Variants in MMP12 observed in about 807,000 individuals in gnomAD.
MMP12 encodes matrix metallopeptidase 12.
Under a neutral mutation model 45.2 loss-of-function variants are expected in MMP12, and 51 were observed. The ratio of observed to expected loss-of-function variants is 1.13; its 90% CI spans 0.90 to 1.42. The LOEUF is 1.42. MMP12 is among the 40% of genes most tolerant of loss of function. The probability of loss-of-function intolerance (pLI) is 0.00; values close to 1 mark genes in which losing one functional copy is unlikely to be tolerated. For synonymous variants in MMP12, 210 were observed against 193.3 expected, an observed-to-expected ratio of 1.09 and a Z score of -0.72; for missense variants, 530 against 570.8, an observed-to-expected ratio of 0.93 and a Z score of 0.73.
rs1565235156 is a variant in MMP12 at position 102,872,898 on chromosome 11, C to A, written c.317G>T (p.Gly106Val). The A allele has an allele frequency of 6.2e-7, 1 of 1,613,780 alleles. No homozygotes were observed. Among genetic ancestry groups the A allele is most frequent in the Non-Finnish European group, 8.5e-7 (1 of 1,179,836 alleles). Residue 106 changes from glycine (G) to valine (V), a missense_variant, in exon 2 of 10, where the codon GGG becomes GTG. By Grantham distance (109) the Gly-to-Val change is moderately radical. Transcript: ENST00000571244. ...GATATAATGTTTCCTCCATACGGGC[C>A]CCCCTGGCATTTCCCTGAAATGATG... The part of the protein sequence containing the change: ...DVHHFREMPG[G>V]PVWRKHYITY...
intron 9 of MMP12, 31 bp downstream of exon 9, chr11:102,864,115 C>T (rs1555008172): frequency 1.4e-6 from 2 of 1,417,256 alleles, no homozygotes; most frequent in African/African-American, 1.4e-5. Context: ...ATGTTATTTC[C>T]AGTATCTTCA....
intron 4 of MMP12, among the ~76,000 whole-genome samples, chr11:102,869,045 T>C (rs1474491376): frequency 6.6e-6 from 1 of 152,192 alleles, no homozygotes; most frequent in Admixed American, 6.5e-5. Flanking sequence ...AATGCACCTT[T>C]GTAGGTAAGA....
chr11:102,869,743 T>A (rs1330099913), intron 4 of MMP12, among the ~76,000 whole-genome samples: 2 of 149,674 alleles, frequency 1.3e-5, no homozygotes, highest in Non-Finnish European at 3.0e-5. Flanking sequence ...AAACCCCGTC[T>A]CTGCCAAAAA....
At position 102,866,486 on chromosome 11, in the gene MMP12, T is replaced by C. The variant is rs782008803; in HGVS notation, c.912-38A>G. ...ACATTTGACACATGTTAAAAGACAATGTAGACTCAAGAACCATGGCATGTG... is the reference window on the plus strand; with the variant it reads ...ACATTTGACACATGTTAAAAGACAACGTAGACTCAAGAACCATGGCATGTG... On this transcript the variant is annotated intron_variant, in intron 6 of 9. Transcript: ENST00000571244. 6 of 1,601,756 alleles carry C rather than the reference T, an allele frequency of 3.7e-6. No individual in the cohort carries two copies. In the Admixed American group the frequency reaches 1.0e-4, roughly 28 times the overall value.
At chr11:102,869,758 A>T (rs1859459336) in intron 4 of MMP12, among the ~76,000 whole-genome samples, 1 of 152,030 alleles carries the variant, frequency 6.6e-6, no homozygotes, top group Admixed American at 6.6e-5. Flanking sequence ...CAAAAAAAAA[A>T]AAAAAATTAG....
At chr11:102,874,040 A>G (rs571471700) in intron 1 of MMP12, among the ~76,000 whole-genome samples, 20 of 151,070 alleles carry the variant, frequency 1.3e-4, no homozygotes, top group East Asian at 1.2e-3. Flanking sequence ...AAAAAAAAAA[A>G]AAAAAGAAAA....
At chr11:102,874,041 A>C (rs1219691819) in intron 1 of MMP12, among the ~76,000 whole-genome samples, 1 of 151,496 alleles carries the variant, frequency 6.6e-6, no homozygotes, top group Non-Finnish European at 1.5e-5. Context: ...AAAAAAAAAA[A>C]AAAAGAAAAA....
At chr11:102,866,769 A>C (rs536372210) in intron 6 of MMP12, among the ~76,000 whole-genome samples, 1 of 152,258 alleles carries the variant, frequency 6.6e-6, no homozygotes, top group South Asian at 2.1e-4. Flanking sequence ...CAAGTGTATC[A>C]GTCTTATAAT....
intron 4 of MMP12, among the ~76,000 whole-genome samples, chr11:102,870,091 A>G (rs999715716): frequency 5.8e-4 from 89 of 152,338 alleles, no homozygotes; most frequent in Admixed American, 5.8e-3. Flanking sequence ...AGGAATGCAT[A>G]TTCTGGCCCA....
chr11:102,863,418 T>C lies in MMP12; in HGVS notation c.1313-218A>G, dbSNP rs548135534. 1.2e-4 allele frequency among the ~76,000 whole-genome samples: 19 copies of C among 152,252 alleles called. No individual in the cohort carries two copies. The South Asian group carries it at 1.9e-3, about 15-fold the overall frequency. On this transcript the variant is annotated intron_variant, in intron 9 of 9. Transcript: ENST00000571244. ...GGCCATCATCACAAGACCTCATCTC[T>C]ATTTTTTCATCAAAAAATAACAAAT...
intron 9 of MMP12, among the ~76,000 whole-genome samples, chr11:102,863,724 C>T (rs1441221677): frequency 6.6e-6 from 1 of 152,176 alleles, no homozygotes; most frequent in Non-Finnish European, 1.5e-5. Flanking sequence ...CACCCGCAGT[C>T]CCCAGTCCAT....
chr11:102,872,846 C>A lies in MMP12; in HGVS notation c.350+19G>T. ...TATGGGAAAGTAGAAAAATACAGGGCGACATACACCAACGTTACCTGTAGG... is the reference window on the plus strand; with the variant it reads ...TATGGGAAAGTAGAAAAATACAGGGAGACATACACCAACGTTACCTGTAGG... On this transcript the variant is annotated intron_variant, in intron 2 of 9. Coordinates refer to ENST00000571244, the MANE Select transcript of MMP12 (RefSeq NM_002426.6). 2 of 1,611,590 alleles carry A rather than the reference C, an allele frequency of 1.2e-6. No individual in the cohort carries two copies. The highest frequency in any genetic ancestry group is 2.2e-5 in the South Asian group (2 of 90,636).
At position 102,867,263 on chromosome 11, in the gene MMP12, A is replaced by C. The variant is rs1180223256; in HGVS notation, c.911+7T>G. On this transcript the variant is annotated splice_region_variant and intron_variant, in intron 6 of 9. Transcript: ENST00000571244. ...TTAATATTGGTTAGATATGAAAATGATCCTACCTGTCTTTGAAGAAAAAGA... is the reference window on the plus strand; with the variant it reads ...TTAATATTGGTTAGATATGAAAATGCTCCTACCTGTCTTTGAAGAAAAAGA... The C allele has an allele frequency of 2.5e-6, 4 of 1,580,672 alleles. No individual in the cohort carries two copies. Among genetic ancestry groups the C allele is most frequent in the Non-Finnish European group, 3.4e-6 (4 of 1,165,892 alleles).
intron 6 of MMP12, among the ~76,000 whole-genome samples, chr11:102,866,733 T>C (rs1859395283): frequency 6.6e-6 from 1 of 152,174 alleles, no homozygotes; most frequent in South Asian, 2.1e-4. Context: ...TCACCAGTTT[T>C]GTAACCTCAA....
At chr11:102,869,583 G>T (rs749160994) in intron 4 of MMP12, among the ~76,000 whole-genome samples, 1 of 151,980 alleles carries the variant, frequency 6.6e-6, no homozygotes, top group Admixed American at 6.6e-5. Flanking sequence ...AGCAAACATT[G>T]ACCTATTTGT....
At chr11:102,864,857 A>G (rs1555008298) in intron 8 of MMP12, among the ~76,000 whole-genome samples, 1 of 152,190 alleles carries the variant, frequency 6.6e-6, no homozygotes, top group East Asian at 1.9e-4. Flanking sequence ...TTGGTTCTCT[A>G]AGTATTTATG....
In MMP12 at chr11:102,868,051, G is replaced by A. The variant is rs782626659; in HGVS notation, c.644C>T (p.Thr215Ile). The change falls in exon 5 of 10, where the codon ACT becomes ATT. Residue 215 changes from threonine to isoleucine, a missense_variant. Physicochemically the swap from Thr to Ile is moderately conservative, Grantham distance 89 (BLOSUM62 -1). Coordinates refer to ENST00000571244, the MANE Select transcript of MMP12 (RefSeq NM_002426.6). ...THSGGTNLFL[T>I]AVHEIGHSLG... is the part of the protein sequence containing the mutation. ...GGAATGGCCAATCTCGTGAACAGCA[G>A]TGAGGAACAAGTTTGTGCCTAAGAA... 5.6e-6 allele frequency: 9 copies of A among 1,598,540 alleles called. No homozygotes were observed. The Admixed American group carries it at 1.4e-4, about 25-fold the overall frequency.
rs782173482 is a variant in MMP12, at chr11:102,867,929, G to A, written c.766C>T (p.Arg256Cys). 38 of 1,610,096 alleles carry A rather than the reference G, an allele frequency of 2.4e-5. No individual in the cohort carries two copies. The highest frequency in any genetic ancestry group is 3.1e-5 in the Non-Finnish European group (37 of 1,178,402). ...NTFRLSADDI[R>C]GIQSLYGDPK... Reference sequence around the variant, plus strand: ...TCACCATACAGGGACTGAATGCCACGTATGTCATCAGCAGAGAGGCGAAAT... The same window carrying A: ...TCACCATACAGGGACTGAATGCCACATATGTCATCAGCAGAGAGGCGAAAT... The change falls in exon 5 of 10, where the codon CGT (arginine) becomes TGT (cysteine). Residue 256 changes from arginine (R) to cysteine (C), a missense_variant. By Grantham distance (180) the Arg-to-Cys change is radical. Transcript: ENST00000571244.
intron 4 of MMP12, among the ~76,000 whole-genome samples, chr11:102,868,612 G>C (rs1859439712): frequency 6.6e-6 from 1 of 152,130 alleles, no homozygotes; most frequent in Admixed American, 6.5e-5. Context: ...TTCAGGTACT[G>C]TGAGTCACTG....
Sources: allele counts gnomAD v4.1 joint callset (sites outside exome capture counted in the v4.1 genomes callset), GRCh38; gene constraint gnomAD v4.1.1; transcripts MANE v1.5; gene names NCBI Gene and HGNC (gene_info 2026-07-23, HGNC 2026-07-21).